The following SLIT1 variants were observed in gnomAD, a reference collection of about 807,000 sequenced individuals.
SLIT1 encodes the protein slit guidance ligand 1.
Under a neutral mutation model 186.1 loss-of-function variants are expected in SLIT1, and 66 were observed. The ratio of observed to expected loss-of-function variants is 0.35; its 90% confidence interval spans 0.29 to 0.44. SLIT1 has a LOEUF of 0.44. Ranked by LOEUF, SLIT1 falls within the 20% of genes least tolerant of loss-of-function variation. The pLI is 1.00. For synonymous variants in SLIT1, 761 were observed against 833.8 expected (o/e 0.91, Z 1.50); for missense variants, 1,638 against 2,037.4 (o/e 0.80, Z 3.77).
Position 97,048,992 on chromosome 10 carries a change from G to T in SLIT1, c.1428C>A (p.Arg476=). Reference sequence around the variant, plus strand: ...ACTTCTTGCTCTTGATCTGCCCGATGCGCTTGTTGGCGAGGCGCCGGGGAC... The same window carrying T: ...ACTTCTTGCTCTTGATCTGCCCGATTCGCTTGTTGGCGAGGCGCCGGGGAC... ...CASPRRLANK[R]IGQIKSKKFR... Residue 476 remains arginine, a synonymous_variant, in exon 14 of 37, where the codon CGC becomes CGA. Coordinates refer to ENST00000266058, the MANE Select transcript of SLIT1 (RefSeq NM_003061.3). The T allele has an allele frequency of 1.2e-6, 2 of 1,610,244 alleles. No individual in the cohort carries two copies. Among genetic ancestry groups the T allele is most frequent in the Non-Finnish European group, 1.7e-6 (2 of 1,179,332 alleles).
Position 97,128,647 on chromosome 10 carries a change from C to T in SLIT1, c.413+29171G>A, listed in dbSNP as rs186170361. 7.1e-4 allele frequency among the ~76,000 whole-genome samples: 108 copies of T among 152,320 alleles called. 1 individual carries two copies. Among genetic ancestry groups the T allele is most frequent in the Middle Eastern group, 3.4e-3 (1 of 294 alleles). On this transcript the variant is annotated intron_variant, in intron 4 of 36. Transcript: ENST00000266058. The stretch of plus-strand genomic sequence containing the variant: ...GAAAGGCATGCCTGGAGCCCAGAAC[C>T]CAAAGCCTGGGCTGGCAGTGGTTGC...
chr10:97,151,154 C>G (rs902916746), intron 4 of SLIT1, among the ~76,000 whole-genome samples: 7 of 152,168 alleles, frequency 4.6e-5, no homozygotes, highest in Admixed American at 6.5e-5. Flanking sequence ...ATCCATCTTA[C>G]CTAGACATCA....
chr10:97,034,900 C>T (rs368476607), intron 22 of SLIT1, among the ~76,000 whole-genome samples: 1 of 152,210 alleles, frequency 6.6e-6, no homozygotes, highest in Non-Finnish European at 1.5e-5. Context: ...CCTGCCAGCA[C>T]CTTAGGTGGG....
At chr10:97,013,629 A>G in intron 30 of SLIT1, 112 bp downstream of exon 30, 1 of 794,852 alleles carries the variant, frequency 1.3e-6, no homozygotes, top group Admixed American at 2.1e-5. Flanking sequence ...AGCTGAGACC[A>G]AACCCATTGG....
chr10:97,002,232 T>C lies in SLIT1; in HGVS notation c.4292A>G (p.His1431Arg). 1 of 1,591,496 alleles carries C rather than the reference T, an allele frequency of 6.3e-7. No homozygotes were observed. The highest frequency in any genetic ancestry group is 8.6e-7 in the Non-Finnish European group (1 of 1,167,092). ...PCRGLQCLHG[H>R]CQASGTKGAH... ...CCCCTTGGTGCCTGAGGCCTGGCAG[T>C]GGCCATGCAGGCACTGCAGGCCTCT... is the stretch of plus-strand genomic sequence containing the variant. Residue 1431 changes from histidine to arginine, a missense_variant, in exon 36 of 37, where the codon CAC becomes CGC. His to Arg is a conservative substitution (Grantham distance 29). Transcript: ENST00000266058.
At chr10:97,143,708 C>T (rs1489606048) in intron 4 of SLIT1, among the ~76,000 whole-genome samples, 1 of 152,128 alleles carries the variant, frequency 6.6e-6, no homozygotes, top group East Asian at 1.9e-4. Flanking sequence ...TGGAGCAGAA[C>T]CGAGTTGCAG....
intron 32 of SLIT1, among the ~76,000 whole-genome samples, chr10:97,005,437 C>T (rs965085481): frequency 2.5e-4 from 38 of 152,190 alleles, no homozygotes; most frequent in African/African-American, 9.2e-4. Flanking sequence ...AGACCCTGAG[C>T]CCCCTGGTCT....
intron 4 of SLIT1, among the ~76,000 whole-genome samples, chr10:97,143,097 G>T (rs1013271271): frequency 6.6e-6 from 1 of 152,196 alleles, no homozygotes; most frequent in Non-Finnish European, 1.5e-5. Context: ...ATTAAAAATA[G>T]AACTGCCATA....
At chr10:97,048,095 A>G in intron 14 of SLIT1, 99 bp from the exon 15 acceptor site, 9 of 1,347,888 alleles carry the variant, frequency 6.7e-6, no homozygotes, top group South Asian at 1.2e-5. Context: ...GGCACCCCAG[A>G]CAGGGCTGAG....
At chr10:97,076,038 G>A (rs781049046) in intron 4 of SLIT1, among the ~76,000 whole-genome samples, 28 of 152,070 alleles carry the variant, frequency 1.8e-4, no homozygotes, top group Non-Finnish European at 2.6e-4. Context: ...ACCAAGGCCC[G>A]CCTTCCTGAG....
chr10:97,128,765 G>A (rs1408988622), intron 4 of SLIT1, among the ~76,000 whole-genome samples: 1 of 152,132 alleles, frequency 6.6e-6, no homozygotes, highest in Non-Finnish European at 1.5e-5. Context: ...TGTGTTTGCT[G>A]TGATGAATTC....
chr10:97,167,434 C>T (rs1850135272), intron 1 of SLIT1, among the ~76,000 whole-genome samples: 1 of 152,116 alleles, frequency 6.6e-6, no homozygotes, highest in South Asian at 2.1e-4. Flanking sequence ...TGTTGTTTTT[C>T]TATTATAAAA....
At chr10:97,125,409 G>A (rs1459799185) in intron 4 of SLIT1, among the ~76,000 whole-genome samples, 3 of 152,082 alleles carry the variant, frequency 2.0e-5, no homozygotes, top group African/African-American at 7.2e-5. Context: ...GGTGGTGCAC[G>A]CCTGTGGTAC....
At chr10:97,020,693 C>T (rs768244819) in intron 26 of SLIT1, among the ~76,000 whole-genome samples, 2 of 152,272 alleles carry the variant, frequency 1.3e-5, no homozygotes, top group Non-Finnish European at 2.9e-5. Context: ...AGCCCGGCCC[C>T]GGCGGCCACT....
At chr10:97,107,982 T>C (rs1047865182) in intron 4 of SLIT1, among the ~76,000 whole-genome samples, 1 of 152,136 alleles carries the variant, frequency 6.6e-6, no homozygotes, top group African/African-American at 2.4e-5. Flanking sequence ...GAGGCTCCGG[T>C]CCGGGGGCAA....
At chr10:97,111,432 C>T (rs1849463276) in intron 4 of SLIT1, among the ~76,000 whole-genome samples, 1 of 152,116 alleles carries the variant, frequency 6.6e-6, no homozygotes, top group Non-Finnish European at 1.5e-5. Context: ...AGATGGGTGT[C>T]ATTATAACCG....
rs1336252500 is a variant in SLIT1 at position 97,004,155 on chromosome 10, G to C, written c.3778C>G (p.Leu1260Val). The change falls in exon 34 of 37, where the codon CTC becomes GTC. Residue 1260 changes from leucine to valine, a missense_variant. This residue lies in a region of SLIT1 where 173 missense variants were observed against 290.9 expected (regional missense o/e 0.59). Coordinates refer to ENST00000266058, the MANE Select transcript of SLIT1 (RefSeq NM_003061.3). The surrounding 1 kb of genome is among the most constrained non-coding windows in gnomAD (Gnocchi z 5.1). The stretch of plus-strand genomic sequence containing the variant: ...ATGGGGCTCCCGCCATCAATGGAGA[G>C]ATTCACCATCTGGTCAAAGGCAACC... ...ELVAFDQMVN[L>V]SIDGGSPMTM... 2 of 1,613,710 alleles carry C rather than the reference G, an allele frequency of 1.2e-6. No individual in the cohort carries two copies. Among genetic ancestry groups the C allele is most frequent in the Non-Finnish European group, 1.7e-6 (2 of 1,179,694 alleles).
chr10:97,051,766 C>A (rs113197232), intron 13 of SLIT1, among the ~76,000 whole-genome samples: 343 of 148,106 alleles, frequency 2.3e-3, no homozygotes, highest in Admixed American at 4.0e-3. Context: ...GAGCCGAGAT[C>A]GTGCCACTGC....
chr10:97,009,650 G>A (rs1420461617), intron 31 of SLIT1, among the ~76,000 whole-genome samples: 2 of 152,066 alleles, frequency 1.3e-5, no homozygotes, highest in Admixed American at 6.6e-5. Context: ...TATTAAACTA[G>A]ATATACCCAA....
Sources: allele counts gnomAD v4.1 joint callset (sites outside exome capture counted in the v4.1 genomes callset), GRCh38; gene constraint gnomAD v4.1.1; regional missense constraint gnomAD v4.1.1; non-coding constraint Gnocchi (gnomAD v3.1); transcripts MANE v1.5; gene names NCBI Gene and HGNC (gene_info 2026-07-23, HGNC 2026-07-21).